Variants in SPTBN5 observed in about 807,000 individuals in gnomAD.
The protein encoded by SPTBN5 is spectrin beta chain, non-erythrocytic 5.
SPTBN5 carries 513 observed loss-of-function variants against 477.6 expected under a neutral mutation model. The ratio of observed to expected loss-of-function variants is 1.07; its 90% CI spans 1.00 to 1.16. The LOEUF is 1.16. Ranked by LOEUF, SPTBN5 falls within the 50% of genes most tolerant of loss-of-function variation. The pLI is 0.00. For synonymous variants in SPTBN5, 2,169 were observed against 2,011.7 expected (o/e 1.08, Z -2.09); for missense variants, 5,062 against 4,731.8 (o/e 1.07, Z -2.05).
intron 63 of SPTBN5, among the ~76,000 whole-genome samples, 186 bp from the exon 64 acceptor site, chr15:41,851,555 TG>T (rs2065762359): frequency 2.4e-5 from 1 of 41,142 alleles, no homozygotes; most frequent in South Asian, 9.3e-4. Context: ...GAAGAGCAGG[TG>T]GGGAGGAGGA....
In SPTBN5 at chr15:41,873,868, G is replaced by T; in HGVS notation, c.4867C>A (p.Gln1623Lys). 1 of 1,611,070 alleles carries T rather than the reference G, an allele frequency of 6.2e-7. No individual in the cohort carries two copies. Residue 1623 changes from glutamine to lysine, a missense_variant, in exon 25 of 68, where the codon CAG becomes AAG. Physicochemically the swap from Gln to Lys is moderately conservative, Grantham distance 53. Coordinates refer to ENST00000320955, the MANE Select transcript of SPTBN5 (RefSeq NM_016642.4). ...RACEARAQCL[Q>K]QAVTFQQYFL... ...ACCTGCTGGAAAGTGACAGCCTGCTGCAGACACTGGGCCCGCGCTTCACAT... is the reference window on the plus strand; with the variant it reads ...ACCTGCTGGAAAGTGACAGCCTGCTTCAGACACTGGGCCCGCGCTTCACAT...
In SPTBN5 at chr15:41,885,899, G is replaced by A. The variant is rs1232904881; in HGVS notation, c.1356C>T (p.Ala452=). 2.4e-5 allele frequency: 38 copies of A among 1,584,920 alleles called. No individual in the cohort carries two copies. Among genetic ancestry groups the A allele is most frequent in the Non-Finnish European group, 3.3e-5 (38 of 1,166,030 alleles). The part of the protein sequence containing the change: ...LKDAEQVLDQ[A]RAPPASLATV... ...TGGCCAGGCTGGCTGGCGGGGCTCT[G>A]GCCTGGTCTAGCACCTGCTCTGCAT... Residue 452 remains alanine (A), a synonymous_variant, in exon 7 of 68, where the codon GCC becomes GCT. Transcript: ENST00000320955.
chr15:41,851,351 C>T lies in SPTBN5; in HGVS notation c.10675G>A (p.Asp3559Asn), dbSNP rs957848404. Reference protein sequence around the residue: ...GGRQPSSSSWDSCRGNLQGSS... With the variant: ...GGRQPSSSSWNSCRGNLQGSS... ...CCCTGCAAGTTCCCGCGGCAGCTGT[C>T]CCAGGAGCTCGAGCTAGGCTGTGGA... The change falls in exon 64 of 68, where the codon GAC (aspartate) becomes AAC (asparagine). Residue 3559 changes from aspartate to asparagine, a missense_variant. Coordinates refer to ENST00000320955, the MANE Select transcript of SPTBN5 (RefSeq NM_016642.4). The T allele has an allele frequency of 6.4e-7, 1 of 1,550,844 alleles. No individual in the cohort carries two copies. The highest frequency in any genetic ancestry group is 8.7e-7 in the Non-Finnish European group (1 of 1,146,920).
At position 41,857,378 on chromosome 15, in the gene SPTBN5, G is replaced by A. The variant is rs765449487; in HGVS notation, c.8481C>T (p.Gly2827=). Residue 2827 remains glycine, a synonymous_variant, in exon 51 of 68, where the codon GGC becomes GGT. Transcript: ENST00000320955. ...QALPGVGELL[G]TQRELEAAVD... ...CTGCTGCCTCCAGCTCCCTCTGTGT[G>A]CCCAGGAGCTCGCCCACCCCAGGCA... 4 of 1,579,980 alleles carry A rather than the reference G, an allele frequency of 2.5e-6. No homozygotes were observed. In the South Asian group the frequency reaches 4.6e-5, roughly 18 times the overall value.
chr15:41,857,715 A>G lies in SPTBN5; in HGVS notation c.8227-5T>C. ...CTGCAGCAGCCTCTGTCCCTCCTGC[A>G]GCCACAACATGAAACACACCTTGTG... On this transcript the variant is annotated splice_polypyrimidine_tract_variant and splice_region_variant and intron_variant, in intron 49 of 67. Transcript: ENST00000320955. 6.4e-7 allele frequency: 1 copy of G among 1,566,820 alleles called. No individual in the cohort carries two copies. The highest frequency in any genetic ancestry group is 1.3e-5 in the African/African-American group (1 of 74,090).
rs749798028 is a variant in SPTBN5, at chr15:41,874,992, A to C, written c.4352T>G (p.Leu1451Arg). 1 of 1,613,690 alleles carries C rather than the reference A, an allele frequency of 6.2e-7. No homozygotes were observed. Among genetic ancestry groups the C allele is most frequent in the African/African-American group, 1.3e-5 (1 of 75,052 alleles). Residue 1451 changes from leucine to arginine, a missense_variant, in exon 23 of 68, where the codon CTG becomes CGG. Transcript: ENST00000320955. ...ALQSSETGQD[L>R]RSSQRLQKRH... ...TTTCTGCAGCCTCTGGCTGGAGCGC[A>C]GGTCCTGCCCTGTTTCCGAGCTCTG...
chr15:41,871,370 C>G lies in SPTBN5; in HGVS notation c.5447+5G>C. 4.9e-6 allele frequency: 7 copies of G among 1,426,276 alleles called. No individual in the cohort carries two copies. Among genetic ancestry groups the G allele is most frequent in the Non-Finnish European group, 5.5e-6 (6 of 1,087,696 alleles). The allele number at this position is 1,426,276 out of a possible 1,614,324, so 88.4% of individuals were successfully genotyped here. On this transcript the variant is annotated splice_donor_5th_base_variant and intron_variant, in intron 29 of 67. Coordinates refer to ENST00000320955, the MANE Select transcript of SPTBN5 (RefSeq NM_016642.4). ...CCATGCTGGCCTGGCCCGTTGGGCA[C>G]TCACTGCAGATCCTGCTGCCTCTGA...
chr15:41,855,269 G>T lies in SPTBN5; in HGVS notation c.9378C>A (p.Ala3126=). The part of the protein sequence containing the change: ...LLDAWLTTKA[A]TAESQDYGQD... ...GCCCGTAGTCCTGGGACTCGGCGGT[G>T]GCCGCCTTGGTGGTCAGCCAGGCGT... The change falls in exon 55 of 68, where the codon GCC becomes GCA. Residue 3126 remains alanine, a synonymous_variant. Coordinates refer to ENST00000320955, the MANE Select transcript of SPTBN5 (RefSeq NM_016642.4). 6.2e-7 allele frequency: 1 copy of T among 1,612,390 alleles called. No individual in the cohort carries two copies. The highest frequency in any genetic ancestry group is 8.5e-7 in the Non-Finnish European group (1 of 1,179,720).
intron 57 of SPTBN5, 73 bp from the exon 58 acceptor site, chr15:41,853,860 A>C (rs2065854324): frequency 2.8e-6 from 4 of 1,454,176 alleles, no homozygotes; most frequent in Non-Finnish European, 3.7e-6. Context: ...CAGGAGCACC[A>C]GGCCTCTCTG....
At chr15:41,854,261 C>G in intron 56 of SPTBN5, 56 bp from the exon 57 acceptor site, 1 of 1,542,486 alleles carries the variant, frequency 6.5e-7, no homozygotes, top group Non-Finnish European at 8.7e-7. Context: ...GGATTCCTTT[C>G]TCCCTGGAGA....
intron 3 of SPTBN5, among the ~76,000 whole-genome samples, chr15:41,892,510 T>C (rs908802435): frequency 6.6e-6 from 1 of 152,230 alleles, no homozygotes; most frequent in African/African-American, 2.4e-5. Flanking sequence ...CTGGGCTCTG[T>C]TGGCTGGTTA....
Position 41,853,752 on chromosome 15 carries a change from C to T in SPTBN5, c.9810G>A (p.Arg3270=), listed in dbSNP as rs2065850214. Residue 3270 remains arginine (R), a synonymous_variant, in exon 58 of 68, where the codon CGG becomes CGA. Coordinates refer to ENST00000320955, the MANE Select transcript of SPTBN5 (RefSeq NM_016642.4). ...ELEAMEKEVA[R]LQTEACRLGQ... is the part of the protein sequence containing the mutation. ...CCAGTCGGCAGGCCTCCGTCTGTAG[C>T]CGTGCCACCTCCTTCTCCATAGCTT... 3.2e-6 allele frequency: 5 copies of T among 1,578,894 alleles called. No individual in the cohort carries two copies. Among genetic ancestry groups the T allele is most frequent in the African/African-American group, 1.3e-5 (1 of 74,200 alleles).
rs1161804607 is a variant in SPTBN5 at position 41,882,347 on chromosome 15, A to C, written c.2169T>G (p.Val723=). 7 of 1,534,802 alleles carry C rather than the reference A, an allele frequency of 4.6e-6. No individual in the cohort carries two copies. In the African/African-American group the frequency reaches 6.9e-5, roughly 15 times the overall value. ...QPDPGERAEA[V]QGGWQLLQTR... ...TCTGGAGCAGCTGCCACCCTCCCTG[A>C]ACGGCCTCTGCCCGTTCCCCGGGAT... Residue 723 remains valine, a synonymous_variant, in exon 11 of 68, where the codon GTT becomes GTG. Coordinates refer to ENST00000320955, the MANE Select transcript of SPTBN5 (RefSeq NM_016642.4).
In SPTBN5 at chr15:41,862,619, G is replaced by A. The variant is rs539876844; in HGVS notation, c.7305C>T (p.Pro2435=). The change falls in exon 43 of 68, where the codon CCC becomes CCT. Residue 2435 remains proline (P), a synonymous_variant. Transcript: ENST00000320955. The part of the protein sequence containing the change: ...REVGRLCQRS[P]EAAHGLRHRQ... ...TGTGCCTGAGGCCGTGGGCTGCCTC[G>A]GGGCTTCTTTGGCAGAGGCGGCCCA... 56 of 1,558,006 alleles carry A rather than the reference G, an allele frequency of 3.6e-5. No individual in the cohort carries two copies. The highest frequency in any genetic ancestry group is 1.4e-4 in the South Asian group (12 of 84,872).
intron 26 of SPTBN5, 33 bp from the exon 27 acceptor site, chr15:41,872,492 C>G: frequency 6.5e-7 from 1 of 1,537,024 alleles, no homozygotes; most frequent in Non-Finnish European, 8.8e-7. Context: ...CCAGGCTCAG[C>G]CTGGGTGACT....
chr15:41,852,515 GA>G, intron 61 of SPTBN5, 118 bp downstream of exon 61: 1 of 1,334,224 alleles, frequency 7.5e-7, no homozygotes, highest in Non-Finnish European at 1.1e-6. Context: ...GCTGGCCAGG[GA>G]AAGGAGCAGG....
At chr15:41,871,057 A>G (rs2066517396) in intron 29 of SPTBN5, among the ~76,000 whole-genome samples, 1 of 152,244 alleles carries the variant, frequency 6.6e-6, no homozygotes, top group Admixed American at 6.5e-5. Context: ...CACACGAGGC[A>G]TGGGCTGTCC....
chr15:41,871,900 C>A lies in SPTBN5; in HGVS notation c.5183G>T (p.Gly1728Val). 6.3e-7 allele frequency: 1 copy of A among 1,580,250 alleles called. No homozygotes were observed. Among genetic ancestry groups the A allele is most frequent in the Non-Finnish European group, 8.6e-7 (1 of 1,162,134 alleles). The change falls in exon 28 of 68, where the codon GGG becomes GTG. Residue 1728 changes from glycine to valine, a missense_variant. Gly to Val is a moderately radical substitution (Grantham distance 109, BLOSUM62 -3). Transcript: ENST00000320955. Reference sequence around the variant, plus strand: ...CAGGAACTCATGCAGCCTCAGGGTCCCCTCCAGTTCCCGGTCCCTGTGGTA... The same window carrying A: ...CAGGAACTCATGCAGCCTCAGGGTCACCTCCAGTTCCCGGTCCCTGTGGTA... ...LAATRDRELE[G>V]TLRLHEFLRE... is the part of the protein sequence containing the mutation.
chr15:41,887,018 TA>T (rs1260150756), intron 6 of SPTBN5, among the ~76,000 whole-genome samples, 194 bp downstream of exon 6: 5 of 152,232 alleles, frequency 3.3e-5, no homozygotes, highest in Non-Finnish European at 7.3e-5. Flanking sequence ...CTGGGTCCAT[TA>T]CCCATGCTCC....
Sources: allele counts gnomAD v4.1 joint callset (sites outside exome capture counted in the v4.1 genomes callset), GRCh38; gene constraint gnomAD v4.1.1; transcripts MANE v1.5; gene names NCBI Gene and HGNC (gene_info 2026-07-23, HGNC 2026-07-21).